FKBP5: variants seen among roughly 807,000 people sequenced by gnomAD.
The protein encoded by FKBP5 is FKBP prolyl isomerase 5, also known as peptidyl-prolyl cis-trans isomerase FKBP5.
A neutral mutation model predicts 50.5 loss-of-function variants in FKBP5; 23 were observed. The observed-to-expected ratio is 0.46, with a 90% CI of 0.33 to 0.65. The LOEUF (loss-of-function observed/expected upper bound fraction) is 0.65. Ranked by LOEUF, FKBP5 falls within the 30% of genes least tolerant of loss-of-function variation. The probability of loss-of-function intolerance (pLI) is 0.02; values close to 1 mark genes in which losing one functional copy is unlikely to be tolerated. For synonymous variants in FKBP5, 176 were observed against 190.6 expected, an observed-to-expected ratio of 0.92 and a Z score of 0.63; for missense variants, 411 against 553.1, an observed-to-expected ratio of 0.74 and a Z score of 2.58.
intron 1 of FKBP5, among the ~76,000 whole-genome samples, chr6:35,727,423 T>C (rs192417627): frequency 5.3e-4 from 80 of 152,314 alleles, no homozygotes; most frequent in Non-Finnish European, 1.1e-3. Context: ...GTCGTCTTCC[T>C]TGGCCTTGCC....
At chr6:35,622,735 A>G (rs1763883018) in intron 3 of FKBP5, among the ~76,000 whole-genome samples, 1 of 152,170 alleles carries the variant, frequency 6.6e-6, no homozygotes, top group Non-Finnish European at 1.5e-5. Context: ...ATATATCTTC[A>G]TCCTCTTTCT....
chr6:35,586,025 C>T lies in FKBP5; in HGVS notation c.840+1009G>A, dbSNP rs2150955983. ...CTTGTTAAAGTACACTTATGCCTCA[C>T]TGCTTTATACTGCTGAAAAACATCT... On this transcript the variant is annotated intron_variant, in intron 8 of 10. Coordinates refer to ENST00000357266, the MANE Select transcript of FKBP5 (RefSeq NM_004117.4). 13 of 985,378 alleles carry T rather than the reference C, an allele frequency of 1.3e-5. No individual in the cohort carries two copies. In the South Asian group the frequency reaches 5.6e-4, roughly 43 times the overall value. 61.0% of individuals were successfully genotyped at this position (985,378 alleles called of 1,614,324 possible).
Position 35,605,563 on chromosome 6 carries a change from AT to A in FKBP5, c.509-8160del, listed in dbSNP as rs566747156. Among the ~76,000 whole-genome samples the A allele has an allele frequency of 7.3e-3, 1,102 of 151,430 alleles. 11 individuals carry two copies. Among genetic ancestry groups the A allele is most frequent in the African/African-American group, 0.023 (947 of 41,246 alleles). ...AGGTGCATGCCACTATGTGTGGCTA[AT>A]TTTTTTTATTTTTAGTAGAGACAAG... is the stretch of plus-strand genomic sequence containing the variant. On this transcript the variant is annotated intron_variant, in intron 5 of 10. Transcript: ENST00000357266.
At chr6:35,649,799 G>T (rs1263202290) in intron 1 of FKBP5, among the ~76,000 whole-genome samples, 1 of 152,154 alleles carries the variant, frequency 6.6e-6, no homozygotes, top group Admixed American at 6.5e-5. Flanking sequence ...TGCAAGAATA[G>T]CATGGATCAG....
intron 2 of FKBP5, among the ~76,000 whole-genome samples, chr6:35,694,465 G>T (rs1766051792): frequency 6.6e-6 from 1 of 152,130 alleles, no homozygotes. Context: ...AGTTTTTAGT[G>T]ATTCATTCTC....
At chr6:35,626,244 G>A (rs938823428) in intron 3 of FKBP5, among the ~76,000 whole-genome samples, 39 of 151,960 alleles carry the variant, frequency 2.6e-4, no homozygotes, top group African/African-American at 8.9e-4. Context: ...CTTTTTATAC[G>A]TATGTAACTA....
chr6:35,676,725 A>G (rs1488646661), intron 1 of FKBP5, among the ~76,000 whole-genome samples: 2 of 152,238 alleles, frequency 1.3e-5, no homozygotes, highest in Non-Finnish European at 2.9e-5. Context: ...CCTTATCCCC[A>G]AAGTCAGTAA....
At chr6:35,621,799 T>C (rs967724750) in intron 3 of FKBP5, among the ~76,000 whole-genome samples, 39 of 151,980 alleles carry the variant, frequency 2.6e-4, no homozygotes, top group African/African-American at 8.9e-4. Context: ...CCAGGCAACA[T>C]GGTGAAACCC....
At chr6:35,696,484 C>T (rs1208537229) in intron 2 of FKBP5, among the ~76,000 whole-genome samples, 2 of 148,840 alleles carry the variant, frequency 1.3e-5, no homozygotes, top group Non-Finnish European at 3.0e-5. Context: ...TGTACTCCAG[C>T]CTGGGCAACA....
intron 1 of FKBP5, among the ~76,000 whole-genome samples, chr6:35,658,219 C>T (rs1180118783): frequency 6.6e-6 from 1 of 151,790 alleles, no homozygotes; most frequent in Non-Finnish European, 1.5e-5. Context: ...TACTAAAAAT[C>T]CAAAAATTAA....
intron 6 of FKBP5, 54 bp from the exon 7 acceptor site, chr6:35,591,274 A>G: frequency 8.1e-7 from 1 of 1,237,540 alleles, no homozygotes; most frequent in East Asian, 2.3e-5. Flanking sequence ...ATTTCCAGGC[A>G]CTTCCTTCAG....
chr6:35,652,668 C>G (rs984139893), intron 1 of FKBP5, among the ~76,000 whole-genome samples: 2 of 152,106 alleles, frequency 1.3e-5, no homozygotes, highest in Non-Finnish European at 2.9e-5. Context: ...CAATGGTGCC[C>G]GAAACTTTAT....
intron 1 of FKBP5, among the ~76,000 whole-genome samples, chr6:35,667,403 A>G (rs1765262753): frequency 6.6e-6 from 1 of 152,172 alleles, no homozygotes; most frequent in Non-Finnish European, 1.5e-5. Flanking sequence ...GTGTGCTCTC[A>G]TTATGCCTAT....
intron 1 of FKBP5, among the ~76,000 whole-genome samples, chr6:35,652,544 C>G (rs942109320): frequency 1.3e-5 from 2 of 152,060 alleles, no homozygotes; most frequent in Non-Finnish European, 2.9e-5. Flanking sequence ...GAAATAAACT[C>G]CAGTCTCCCA....
intron 1 of FKBP5, among the ~76,000 whole-genome samples, chr6:35,677,702 A>G (rs972959433): frequency 1.3e-5 from 2 of 152,104 alleles, no homozygotes; most frequent in Non-Finnish European, 1.5e-5. Flanking sequence ...GCAATCTTCC[A>G]TATCACCTTG....
intron 3 of FKBP5, among the ~76,000 whole-genome samples, chr6:35,626,908 T>C (rs930022443): frequency 6.6e-6 from 1 of 152,240 alleles, no homozygotes; most frequent in Non-Finnish European, 1.5e-5. Flanking sequence ...TTCCACCTTT[T>C]GGTTGCTGTT....
chr6:35,693,329 AT>A (rs1393716345), upstream of FKBP5, among the ~76,000 whole-genome samples: 1 of 151,026 alleles, frequency 6.6e-6, no homozygotes, highest in African/African-American at 2.4e-5. Context: ...CGCCCAGCTA[AT>A]TTTTTTGTAT....
At chr6:35,705,232 ATATATATATATATATATATATATATATT>A (rs1561903545) in intron 2 of FKBP5, among the ~76,000 whole-genome samples, 15 of 4,088 alleles carry the variant, frequency 3.7e-3, no homozygotes, top group African/African-American at 0.012. Context: ...ATATATATAT[ATATATATATATATATATATATATATATT>A]TTTTTTTTTT....
At chr6:35,594,694 T>C (rs3798345) in intron 6 of FKBP5, among the ~76,000 whole-genome samples, 111,404 of 151,898 alleles carry the variant, frequency 0.73, 41,528 homozygotes, top group East Asian at 0.79. Context: ...ATATATAGCA[T>C]GTAGGGGTTT....
Sources: allele counts gnomAD v4.1 joint callset (sites outside exome capture counted in the v4.1 genomes callset), GRCh38; gene constraint gnomAD v4.1.1; transcripts MANE v1.5; gene names NCBI Gene and HGNC (gene_info 2026-07-23, HGNC 2026-07-21).